NRG1: variants seen among roughly 807,000 people sequenced by gnomAD.
The protein encoded by NRG1 is pro-neuregulin-1, membrane-bound isoform.
Under a neutral mutation model 63.8 loss-of-function variants are expected in NRG1, and 18 were observed. The observed-to-expected ratio is 0.28, with a 90% CI of 0.19 to 0.42. NRG1 has a LOEUF of 0.42. Ranked by LOEUF, NRG1 falls within the 10% of genes least tolerant of loss-of-function variation. The pLI, the probability that NRG1 is intolerant of heterozygous loss-of-function variation, is 1.00. For synonymous variants in NRG1, 302 were observed against 301.3 expected (o/e 1.00, Z -0.02); for missense variants, 762 against 814.7 (o/e 0.94, Z 0.79).
In NRG1 at chr8:31,809,347, T is replaced by TAC. The variant is rs745517580; in HGVS notation, c.37+169928_37+169929dup. On this transcript the variant is annotated intron_variant, in intron 1 of 10. Transcript: ENST00000519301. ...CTCTCTCTCTCTCCATATATATATA[T>TAC]ACACACACACACATATATATACACG... 6.3e-3 allele frequency among the ~76,000 whole-genome samples: 907 copies of TAC among 144,624 alleles called. 4 individuals carry two copies. Among genetic ancestry groups the TAC allele is most frequent in the Non-Finnish European group, 0.01 (685 of 65,734 alleles). 94.9% of individuals were successfully genotyped at this position (144,624 alleles called of 152,430 possible).
chr8:32,424,068 G>A (rs1057300296), intron 1 of NRG1, among the ~76,000 whole-genome samples: 1 of 152,116 alleles, frequency 6.6e-6, no homozygotes, highest in South Asian at 2.1e-4. Flanking sequence ...GCAGCTATCC[G>A]GGTACATTCG....
intron 1 of NRG1, among the ~76,000 whole-genome samples, chr8:32,157,795 C>G (rs1289912828): frequency 2.0e-5 from 3 of 151,392 alleles, no homozygotes; most frequent in Non-Finnish European, 4.4e-5. Flanking sequence ...GCTATAAATT[C>G]AAATAAGAGA....
At chr8:31,736,278 G>C (rs1460590553) in intron 1 of NRG1, among the ~76,000 whole-genome samples, 1 of 152,132 alleles carries the variant, frequency 6.6e-6, no homozygotes, top group African/African-American at 2.4e-5. Context: ...GTATAAGCAT[G>C]GCTTAATTCC....
At chr8:32,247,432 T>G (rs1234464201) in intron 1 of NRG1, among the ~76,000 whole-genome samples, 1 of 152,122 alleles carries the variant, frequency 6.6e-6, no homozygotes, top group Non-Finnish European at 1.5e-5. Flanking sequence ...TTGTAAATAG[T>G]AACATATCAA....
intron 1 of NRG1, among the ~76,000 whole-genome samples, chr8:32,141,151 G>A (rs778329996): frequency 1.3e-5 from 2 of 152,226 alleles, no homozygotes; most frequent in East Asian, 3.9e-4. Context: ...TAAAAAATAT[G>A]TAGTAGTGGA....
chr8:32,280,691 GTTTTTTTT>G (rs1174950316), intron 1 of NRG1, among the ~76,000 whole-genome samples: 1 of 57,668 alleles, frequency 1.7e-5, no homozygotes, highest in Non-Finnish European at 3.4e-5. Context: ...TTTTTTTTTT[GTTTTTTTT>G]TTTTTTTTTT....
At chr8:32,749,702 G>C (rs1368091897) in intron 7 of NRG1, 9 of 897,468 alleles carry the variant, frequency 1.0e-5, no homozygotes, top group Non-Finnish European at 1.6e-5. Context: ...TCTTTAGAAG[G>C]GATCATACAG....
Position 32,742,104 on chromosome 8 carries a change from T to C in NRG1, c.633-571T>C. 1 of 1,585,778 alleles carries C rather than the reference T, an allele frequency of 6.3e-7. No individual in the cohort carries two copies. Among genetic ancestry groups the C allele is most frequent in the Non-Finnish European group, 8.7e-7 (1 of 1,154,524 alleles). On this transcript the variant is annotated intron_variant, in intron 6 of 11. Transcript: ENST00000356819. This position sits in a 1 kb window ranked among gnomAD's most constrained non-coding sequence, Gnocchi z 4.2. The stretch of plus-strand genomic sequence containing the variant: ...TGTCAAAATAATCTGAAATTTGCTT[T>C]CTCCCCCAACTACAGCAACAATCAC...
At chr8:32,626,347 T>A (rs1849262373) in intron 5 of NRG1, among the ~76,000 whole-genome samples, 1 of 150,902 alleles carries the variant, frequency 6.6e-6, no homozygotes, top group South Asian at 2.1e-4. Flanking sequence ...GAGGAAGACT[T>A]TCAAATTAAG....
At chr8:32,640,372 C>T (rs952673194) in intron 5 of NRG1, among the ~76,000 whole-genome samples, 7 of 151,572 alleles carry the variant, frequency 4.6e-5, no homozygotes, top group African/African-American at 1.7e-4. Context: ...TTATTCATCC[C>T]TCTTCTATGT....
chr8:32,720,180 T>C (rs1051984365), intron 5 of NRG1, among the ~76,000 whole-genome samples: 1 of 152,190 alleles, frequency 6.6e-6, no homozygotes, highest in African/African-American at 2.4e-5. Context: ...AACTGAATCC[T>C]TGATTCTTGT....
chr8:31,990,613 A>G (rs915147664), intron 1 of NRG1, among the ~76,000 whole-genome samples: 2 of 152,246 alleles, frequency 1.3e-5, no homozygotes, highest in East Asian at 1.9e-4. Flanking sequence ...TTTATTTGAC[A>G]TATTTAAAAG....
chr8:32,352,460 T>G (rs1007177849), intron 1 of NRG1, among the ~76,000 whole-genome samples: 1 of 151,958 alleles, frequency 6.6e-6, no homozygotes, highest in Admixed American at 6.6e-5. Flanking sequence ...GACTCTTTAG[T>G]GCAAAGTCCT....
chr8:32,404,955 G>GT (rs1365431302), intron 1 of NRG1, among the ~76,000 whole-genome samples: 1 of 152,096 alleles, frequency 6.6e-6, no homozygotes, highest in African/African-American at 2.4e-5. Context: ...TTCCCTCCCA[G>GT]TTGCTCCTAA....
intron 1 of NRG1, among the ~76,000 whole-genome samples, chr8:31,860,875 C>G (rs1293827788): frequency 6.6e-6 from 1 of 152,152 alleles, no homozygotes; most frequent in Non-Finnish European, 1.5e-5. Context: ...TTCACATATT[C>G]CGTTACTTAG....
At chr8:32,604,741 A>T (rs1036684963) in intron 2 of NRG1, among the ~76,000 whole-genome samples, 1 of 152,108 alleles carries the variant, frequency 6.6e-6, no homozygotes, top group African/African-American at 2.4e-5. Context: ...CTTTAGAATA[A>T]TTCTTTAGAA....
intron 1 of NRG1, among the ~76,000 whole-genome samples, chr8:32,467,209 A>C (rs901207502): frequency 5.9e-5 from 9 of 152,220 alleles, no homozygotes; most frequent in African/African-American, 2.2e-4. Context: ...TGGCAAGAAA[A>C]TATGCCTGAA....
chr8:31,899,735 G>T (rs1831913777), intron 1 of NRG1, among the ~76,000 whole-genome samples: 1 of 151,988 alleles, frequency 6.6e-6, no homozygotes, highest in Admixed American at 6.6e-5. Context: ...TATGAATAAT[G>T]GCCATCATAA....
At chr8:31,720,771 T>C (rs566631695) in intron 1 of NRG1, among the ~76,000 whole-genome samples, 26 of 152,214 alleles carry the variant, frequency 1.7e-4, no homozygotes, top group Non-Finnish European at 2.8e-4. Context: ...AGTTAGATGT[T>C]AAGATGACAG....
Sources: gnomAD v4.1 joint callset for allele counts (sites outside exome capture counted in the v4.1 genomes callset) on GRCh38, gnomAD v4.1.1 for gene constraint, Gnocchi (gnomAD v3.1) non-coding constraint, MANE v1.5 for transcripts, NCBI Gene and HGNC (gene_info 2026-07-23, HGNC 2026-07-21) for gene names.